The following CDH6 variants were observed in gnomAD, a reference collection of about 807,000 sequenced individuals.
CDH6 encodes the protein cadherin 6, also known as cadherin-6.
A neutral mutation model predicts 78.0 loss-of-function variants in CDH6; 31 were observed. The observed-to-expected ratio is 0.40, with a 90% CI of 0.30 to 0.54. CDH6 has a LOEUF of 0.54. CDH6 is among the 20% of genes least tolerant of loss of function. The probability of loss-of-function intolerance (pLI) is 0.56; values close to 1 mark genes in which losing one functional copy is unlikely to be tolerated. For missense variants in CDH6, 724 were observed against 975.9 expected, an observed-to-expected ratio of 0.74 and a Z score of 3.44; for synonymous variants, 376 against 368.8, an observed-to-expected ratio of 1.02 and a Z score of -0.23.
At chr5:31,217,398 G>A (rs1023505740) in intron 1 of CDH6, among the ~76,000 whole-genome samples, 10 of 151,936 alleles carry the variant, frequency 6.6e-5, no homozygotes, top group African/African-American at 1.5e-4. Flanking sequence ...ATTCTATTCC[G>A]TTTAACTGTT....
At chr5:31,302,903 A>AG (rs1737842231) in intron 6 of CDH6, among the ~76,000 whole-genome samples, 2 of 90,458 alleles carry the variant, frequency 2.2e-5, no homozygotes, top group East Asian at 3.9e-4. Context: ...AAGAAAGAAA[A>AG]AAAGAAAGAA....
At chr5:31,225,134 AG>A (rs1741113689) in intron 1 of CDH6, among the ~76,000 whole-genome samples, 1 of 152,326 alleles carries the variant, frequency 6.6e-6, no homozygotes, top group African/African-American at 2.4e-5. Flanking sequence ...AATAGTGCTG[AG>A]GTTTTGAAAC....
intron 1 of CDH6, among the ~76,000 whole-genome samples, chr5:31,242,658 ACTGCAGTCAAG>A (rs1285243211): frequency 2.1e-4 from 32 of 149,126 alleles, no homozygotes; most frequent in African/African-American, 7.7e-4. Context: ...ATAGAACTAA[ACTGCAGTCAAG>A]CTGCTGCCTG....
At chr5:31,197,263 G>A (rs747977358) in intron 1 of CDH6, among the ~76,000 whole-genome samples, 2 of 152,162 alleles carry the variant, frequency 1.3e-5, no homozygotes, top group Non-Finnish European at 2.9e-5. Context: ...GGGTGAATCA[G>A]CCTCTTCTGC....
At chr5:31,270,814 A>T (rs1054148784) in intron 2 of CDH6, among the ~76,000 whole-genome samples, 2 of 151,904 alleles carry the variant, frequency 1.3e-5, no homozygotes, top group Non-Finnish European at 2.9e-5. Flanking sequence ...CTCCTGCCCC[A>T]ACTCCCAACT....
intron 9 of CDH6, 126 bp downstream of exon 9, chr5:31,316,455 T>G: frequency 1.3e-6 from 1 of 768,930 alleles, no homozygotes; most frequent in Non-Finnish European, 2.0e-6. Flanking sequence ...CTACGGAAAT[T>G]AATACTATAA....
At chr5:31,297,490 T>A (rs985267823) in intron 4 of CDH6, 82 bp downstream of exon 4, 1 of 1,047,814 alleles carries the variant, frequency 9.5e-7, no homozygotes, top group African/African-American at 1.6e-5. Flanking sequence ...TTAATAAAAA[T>A]AATCAATGTG....
chr5:31,229,626 T>C lies in CDH6; in HGVS notation c.-129+35740T>C, dbSNP rs890268087. On this transcript the variant is annotated intron_variant, in intron 1 of 11. Transcript: ENST00000265071. The stretch of plus-strand genomic sequence containing the variant: ...AAAAGAATTCTAACTCTGAAAACAC[T>C]TGTGAGAATTCAAGAAACTCCGGAG... 2.6e-5 allele frequency among the ~76,000 whole-genome samples: 4 copies of C among 152,194 alleles called. No homozygotes were observed. The East Asian group carries it at 5.8e-4, about 22-fold the overall frequency.
At chr5:31,241,527 G>A (rs1561038330) in intron 1 of CDH6, among the ~76,000 whole-genome samples, 1 of 152,222 alleles carries the variant, frequency 6.6e-6, no homozygotes, top group Non-Finnish European at 1.5e-5. Flanking sequence ...ACATAAACCT[G>A]AAAATGAAAG....
chr5:31,239,903 A>G (rs529790127), intron 1 of CDH6, among the ~76,000 whole-genome samples: 7 of 152,348 alleles, frequency 4.6e-5, no homozygotes, highest in African/African-American at 1.4e-4. Flanking sequence ...AAAAAAGCAC[A>G]TAATTTGAAC....
intron 6 of CDH6, among the ~76,000 whole-genome samples, chr5:31,304,879 C>T (rs1053004933): frequency 7.9e-5 from 12 of 152,088 alleles, no homozygotes; most frequent in African/African-American, 2.4e-4. Flanking sequence ...TACCTCACTA[C>T]CCACTTTTAA....
rs373791596 is a variant in CDH6, at chr5:31,317,356, G to C, written c.1513-19G>C. 8.2e-7 allele frequency: 1 copy of C among 1,214,804 alleles called. No individual in the cohort carries two copies. Among genetic ancestry groups the C allele is most frequent in the African/African-American group, 1.5e-5 (1 of 66,632 alleles). 75.3% of individuals were successfully genotyped at this position (1,214,804 alleles called of 1,614,324 possible). ...TGAGTTATCAAAATTTTATGGCAGC[G>C]TTTTGGTTTTTCTCTTAGTTGATTC... On this transcript the variant is annotated intron_variant, in intron 9 of 11. Transcript: ENST00000265071.
At chr5:31,282,742 G>A (rs1579880151) in intron 2 of CDH6, among the ~76,000 whole-genome samples, 1 of 152,164 alleles carries the variant, frequency 6.6e-6, no homozygotes, top group Admixed American at 6.6e-5. Context: ...GGTATTGAGT[G>A]TAAAAAATAA....
chr5:31,214,226 G>A (rs556059116), intron 1 of CDH6, among the ~76,000 whole-genome samples: 1 of 151,522 alleles, frequency 6.6e-6, no homozygotes, highest in East Asian at 1.9e-4. Context: ...GAGGTCACAA[G>A]GCATGTCAAA....
At chr5:31,313,174 T>C in intron 7 of CDH6, 144 bp from the exon 8 acceptor site, 1 of 576,558 alleles carries the variant, frequency 1.7e-6, no homozygotes, top group East Asian at 2.8e-5. Context: ...GTTGTAGATA[T>C]TCAAATATGC....
At chr5:31,206,041 G>A (rs751783271) in intron 1 of CDH6, among the ~76,000 whole-genome samples, 4 of 152,122 alleles carry the variant, frequency 2.6e-5, no homozygotes, top group Non-Finnish European at 4.4e-5. Flanking sequence ...AAATTCAATC[G>A]TGGCACCCTT....
At chr5:31,276,860 C>T (rs1023788859) in intron 2 of CDH6, among the ~76,000 whole-genome samples, 1 of 152,138 alleles carries the variant, frequency 6.6e-6, no homozygotes, top group African/African-American at 2.4e-5. Context: ...ACTTAATACA[C>T]AGAAAAGGCT....
chr5:31,308,928 C>A (rs1457269617), intron 7 of CDH6, among the ~76,000 whole-genome samples: 2 of 151,978 alleles, frequency 1.3e-5, no homozygotes, highest in Non-Finnish European at 2.9e-5. Flanking sequence ...AAATATATAT[C>A]TAGATAATTA....
intron 1 of CDH6, among the ~76,000 whole-genome samples, chr5:31,260,311 G>A (rs898530980): frequency 3.3e-5 from 5 of 152,262 alleles, no homozygotes; most frequent in Admixed American, 1.3e-4. Context: ...AGCGTTGTGC[G>A]GGGCTGAGAT....
Sources: gnomAD v4.1 joint callset for allele counts (sites outside exome capture counted in the v4.1 genomes callset) on GRCh38, gnomAD v4.1.1 for gene constraint, MANE v1.5 for transcripts, NCBI Gene and HGNC (gene_info 2026-07-23, HGNC 2026-07-21) for gene names.